The following SRD5A2 variants were observed in gnomAD, a reference collection of about 807,000 sequenced individuals.
The protein encoded by SRD5A2 is 3-oxo-5-alpha-steroid 4-dehydrogenase 2.
Under a neutral mutation model 27.4 loss-of-function variants are expected in SRD5A2, and 30 were observed. That is an observed-to-expected ratio of 1.10 (90% CI 0.82 to 1.49). The LOEUF (loss-of-function observed/expected upper bound fraction) is 1.49. SRD5A2 is among the 40% of genes most tolerant of loss of function. The probability of loss-of-function intolerance (pLI) is 0.00; values close to 1 mark genes in which losing one functional copy is unlikely to be tolerated. For synonymous variants in SRD5A2, 141 were observed against 133.6 expected, an observed-to-expected ratio of 1.06 and a Z score of -0.38; for missense variants, 348 against 323.4, an observed-to-expected ratio of 1.08 and a Z score of -0.58.
chr2:31,600,714 G>A, the SRD5A2 span, among the ~76,000 whole-genome samples: 1 of 151,732 alleles, frequency 6.6e-6, no homozygotes, highest in Non-Finnish European at 1.5e-5. Flanking sequence ...ATTCTATGAG[G>A]CCAGTGTTAC....
intron 1 of SRD5A2, among the ~76,000 whole-genome samples, chr2:31,549,081 AATTATTATT>A (rs71405576): frequency 0.022 from 2,918 of 131,348 alleles, 55 homozygotes; most frequent in African/African-American, 0.049. Context: ...AAGTAGAGGG[AATTATTATT>A]ATTATTATTA....
chr2:31,537,364 C>T (rs1666047733), intron 1 of SRD5A2, among the ~76,000 whole-genome samples: 1 of 152,178 alleles, frequency 6.6e-6, no homozygotes, highest in Non-Finnish European at 1.5e-5. Flanking sequence ...TTCTCCTCCA[C>T]TTCTTTCCTC....
intron 1 of SRD5A2, among the ~76,000 whole-genome samples, chr2:31,565,154 A>T (rs551999295): frequency 1.3e-5 from 2 of 151,940 alleles, no homozygotes; most frequent in Non-Finnish European, 2.9e-5. Flanking sequence ...AAGACTGATA[A>T]ATTTAAGATA....
the SRD5A2 span, among the ~76,000 whole-genome samples, chr2:31,631,952 T>C: frequency 6.6e-6 from 1 of 152,154 alleles, no homozygotes; most frequent in African/African-American, 2.4e-5. Context: ...AATTATTCAA[T>C]GATGTCCCCT....
At chr2:31,562,388 TC>T (rs1666643140) in intron 1 of SRD5A2, among the ~76,000 whole-genome samples, 1 of 152,154 alleles carries the variant, frequency 6.6e-6, no homozygotes, top group African/African-American at 2.4e-5. Flanking sequence ...TTACAAACAA[TC>T]CAATTATACT....
the SRD5A2 span, among the ~76,000 whole-genome samples, chr2:31,602,064 C>T: frequency 2.6e-5 from 4 of 151,916 alleles, no homozygotes; most frequent in Admixed American, 6.6e-5. Flanking sequence ...CCAGGGCAAT[C>T]GGGCAAGAAA....
In SRD5A2 at chr2:31,524,664, C is replaced by T; in HGVS notation, c.*1532G>A. On this transcript the variant is annotated 3_prime_UTR_variant, in exon 5 of 5. Coordinates refer to ENST00000622030, the MANE Select transcript of SRD5A2 (RefSeq NM_000348.4). ...ATTTGCATTTTTCAGTAATCTACAT[C>T]ATCCTCAGACCTTTCAAGTTTCCTA... 4.3e-6 allele frequency: 1 copy of T among 231,024 alleles called. No homozygotes were observed. The highest frequency in any genetic ancestry group is 8.6e-6 in the Non-Finnish European group (1 of 116,644). The allele number at this position is 231,024 out of a possible 1,614,324, so 14.3% of individuals were successfully genotyped here. A position where few individuals can be genotyped will look rare whatever the true frequency, so the allele number is the denominator to read the frequency against.
the SRD5A2 span, among the ~76,000 whole-genome samples, chr2:31,630,623 C>T: frequency 6.6e-6 from 1 of 152,138 alleles, no homozygotes; most frequent in South Asian, 2.1e-4. Flanking sequence ...GCTTTGCTAA[C>T]AGAAGAAAGT....
chr2:31,556,801 T>C (rs1666503708), intron 1 of SRD5A2, among the ~76,000 whole-genome samples: 1 of 152,208 alleles, frequency 6.6e-6, no homozygotes, highest in African/African-American at 2.4e-5. Context: ...GAAGTTAATA[T>C]AACTTGTTGG....
the SRD5A2 span, among the ~76,000 whole-genome samples, chr2:31,627,433 G>GTGTGTGT: frequency 1.1e-4 from 16 of 149,708 alleles, no homozygotes; most frequent in Admixed American, 5.3e-4. Flanking sequence ...TTTGTACGGG[G>GTGTGTGT]GTGTGTGTGT....
the SRD5A2 span, among the ~76,000 whole-genome samples, chr2:31,622,835 T>A: frequency 6.6e-6 from 1 of 152,072 alleles, no homozygotes; most frequent in East Asian, 1.9e-4. Context: ...AATCCACTTT[T>A]CATCACACAT....
the SRD5A2 span, among the ~76,000 whole-genome samples, chr2:31,604,812 T>C: frequency 6.6e-6 from 1 of 151,510 alleles, no homozygotes; most frequent in Non-Finnish European, 1.5e-5. Flanking sequence ...AATCCTAAAG[T>C]GTATATGGAT....
At chr2:31,639,064 G>T in the SRD5A2 span, among the ~76,000 whole-genome samples, 2 of 151,446 alleles carry the variant, frequency 1.3e-5, no homozygotes, top group East Asian at 3.9e-4. Context: ...TTTTATTTTT[G>T]TGAATCTATT....
At chr2:31,549,081 AATTATTATTATTATTATTATTATT>A (rs71405576) in intron 1 of SRD5A2, among the ~76,000 whole-genome samples, 20 of 131,396 alleles carry the variant, frequency 1.5e-4, no homozygotes, top group African/African-American at 5.7e-4. Flanking sequence ...AAGTAGAGGG[AATTATTATTATTATTATTATTATT>A]ATTATTATTA....
chr2:31,582,409 T>C (rs982113460), upstream of SRD5A2, among the ~76,000 whole-genome samples: 1 of 152,206 alleles, frequency 6.6e-6, no homozygotes, highest in Admixed American at 6.5e-5. Context: ...AAGAGTCGTT[T>C]ATCATATTCC....
the SRD5A2 span, among the ~76,000 whole-genome samples, chr2:31,620,713 G>T: frequency 6.6e-6 from 1 of 151,366 alleles, no homozygotes; most frequent in Admixed American, 6.6e-5. Flanking sequence ...TAAATGCTCC[G>T]AAAAGGTCTC....
chr2:31,567,456 G>GTATA (rs1553327758), intron 1 of SRD5A2, among the ~76,000 whole-genome samples: 12 of 140,298 alleles, frequency 8.6e-5, no homozygotes, highest in African/African-American at 2.4e-4. Flanking sequence ...GTGTGTGTGT[G>GTATA]TATATATATA....
chr2:31,638,142 T>A, the SRD5A2 span, among the ~76,000 whole-genome samples: 1 of 152,126 alleles, frequency 6.6e-6, no homozygotes, highest in African/African-American at 2.4e-5. Context: ...TTTTTATTTA[T>A]TTCAAGAAAT....
the SRD5A2 span, among the ~76,000 whole-genome samples, chr2:31,590,688 G>A: frequency 6.6e-6 from 1 of 152,084 alleles, no homozygotes; most frequent in Non-Finnish European, 1.5e-5. Context: ...TATACTACAA[G>A]GCTACAGTAA....
Sources: allele counts gnomAD v4.1 joint callset (sites outside exome capture counted in the v4.1 genomes callset), GRCh38; gene constraint gnomAD v4.1.1; transcripts MANE v1.5; gene names NCBI Gene and HGNC (gene_info 2026-07-23, HGNC 2026-07-21).